The following PARD3B variants were observed in gnomAD, a reference collection of about 807,000 sequenced individuals.
The protein encoded by PARD3B is par-3 family cell polarity regulator beta, also known as partitioning defective 3 homolog B.
A neutral mutation model predicts 130.2 loss-of-function variants in PARD3B; 103 were observed. The ratio of observed to expected loss-of-function variants is 0.79; its 90% CI spans 0.67 to 0.93. The LOEUF (loss-of-function observed/expected upper bound fraction) is 0.93, where lower values mean the gene tolerates loss of function less well. Ranked by LOEUF, PARD3B falls within the 40% of genes least tolerant of loss-of-function variation. The pLI is 0.00. For missense variants in PARD3B, 1,609 were observed against 1,499.2 expected, an observed-to-expected ratio of 1.07 and a Z score of -1.21; for synonymous variants, 583 against 553.2, an observed-to-expected ratio of 1.05 and a Z score of -0.76.
At chr2:205,041,085 G>T (rs950885040) in intron 3 of PARD3B, among the ~76,000 whole-genome samples, 1 of 152,004 alleles carries the variant, frequency 6.6e-6, no homozygotes, top group Non-Finnish European at 1.5e-5. Flanking sequence ...TGGCTTTTGC[G>T]TTATTTTGCA....
intron 1 of PARD3B, among the ~76,000 whole-genome samples, chr2:204,650,001 T>C (rs951082196): frequency 6.6e-6 from 1 of 152,076 alleles, no homozygotes; most frequent in African/African-American, 2.4e-5. Flanking sequence ...GAGAAAATAT[T>C]TGAAAACTAT....
chr2:205,555,898 A>T (rs111666739), intron 22 of PARD3B, among the ~76,000 whole-genome samples: 3 of 152,154 alleles, frequency 2.0e-5, no homozygotes, highest in African/African-American at 7.2e-5. Flanking sequence ...ACCCTGGTCC[A>T]TGGGTGGGGG....
At chr2:205,097,477 G>C (rs192182920) in intron 4 of PARD3B, among the ~76,000 whole-genome samples, 1 of 152,014 alleles carries the variant, frequency 6.6e-6, no homozygotes, top group Non-Finnish European at 1.5e-5. Context: ...CATCCTTCCC[G>C]GCTTAGTTAA....
chr2:205,567,334 AGATGGAGTCTTGCTCTGTCGCCCAG>A (rs2053384881), intron 22 of PARD3B, among the ~76,000 whole-genome samples: 1 of 77,126 alleles, frequency 1.3e-5, no homozygotes, highest in East Asian at 4.3e-4. Flanking sequence ...TTTTTTTTTG[AGATGGAGTCTTGCTCTGTCGCCCAG>A]GATGGAGTGC....
Position 204,902,149 on chromosome 2 carries a change from T to C in PARD3B, c.223-63003T>C, listed in dbSNP as rs115738662. Among the ~76,000 whole-genome samples the C allele has an allele frequency of 5.8e-3, 885 of 152,278 alleles. 8 individuals carry two copies. The highest frequency in any genetic ancestry group is 0.021 in the African/African-American group (855 of 41,554). ...AATTCAGAAGCTGTATTTTAGATAA[T>C]AACTTTTCTTTCAAAATTATCAGTT... On this transcript the variant is annotated intron_variant, in intron 2 of 22. Coordinates refer to ENST00000406610, the MANE Select transcript of PARD3B (RefSeq NM_001302769.2).
At chr2:204,871,128 A>AT (rs1303900396) in intron 2 of PARD3B, among the ~76,000 whole-genome samples, 1 of 152,080 alleles carries the variant, frequency 6.6e-6, no homozygotes, top group East Asian at 1.9e-4. Context: ...GCTCTCTTTA[A>AT]TTTTAGGCCC....
intron 21 of PARD3B, among the ~76,000 whole-genome samples, chr2:205,535,283 T>C (rs988311154): frequency 1.3e-5 from 2 of 152,182 alleles, no homozygotes; most frequent in Non-Finnish European, 2.9e-5. Flanking sequence ...AGCTGTGCCT[T>C]AGAGTTGGCC....
chr2:204,941,575 G>A (rs892647057), intron 2 of PARD3B, among the ~76,000 whole-genome samples: 1 of 152,122 alleles, frequency 6.6e-6, no homozygotes, highest in African/African-American at 2.4e-5. Flanking sequence ...TTTCTAAATG[G>A]GAAAGTTAAA....
intron 2 of PARD3B, among the ~76,000 whole-genome samples, chr2:204,833,442 C>T (rs1268822428): frequency 2.0e-5 from 3 of 151,986 alleles, no homozygotes; most frequent in Non-Finnish European, 4.4e-5. Flanking sequence ...CATCTCTTGA[C>T]TTATGCCCCT....
intron 18 of PARD3B, among the ~76,000 whole-genome samples, chr2:205,349,645 A>G (rs1305831168): frequency 6.6e-6 from 1 of 152,172 alleles, no homozygotes; most frequent in East Asian, 1.9e-4. Flanking sequence ...AGAGATAAAA[A>G]TCAAAGATAT....
At chr2:204,872,626 T>C (rs950248435) in intron 2 of PARD3B, among the ~76,000 whole-genome samples, 2 of 152,208 alleles carry the variant, frequency 1.3e-5, no homozygotes, top group African/African-American at 2.4e-5. Context: ...GGACAGAAGT[T>C]GTTAAAGGTC....
intron 16 of PARD3B, among the ~76,000 whole-genome samples, chr2:205,249,175 A>AT (rs10707307): frequency 0.15 from 20,944 of 136,630 alleles, 1,590 homozygotes; most frequent in East Asian, 0.29. Flanking sequence ...TGCCCGGCTA[A>AT]TTTTTTTTTT....
At chr2:204,779,339 A>G (rs1397481460) in intron 2 of PARD3B, among the ~76,000 whole-genome samples, 4 of 152,136 alleles carry the variant, frequency 2.6e-5, no homozygotes, top group Non-Finnish European at 5.9e-5. Flanking sequence ...CAGCTGGTTG[A>G]TAAATTTATT....
In PARD3B at chr2:205,558,877, G is replaced by A. The variant is rs1032585466; in HGVS notation, c.3260+5474G>A. Among the ~76,000 whole-genome samples, 1 of 151,978 alleles carries A rather than the reference G, an allele frequency of 6.6e-6. No homozygotes were observed. Among genetic ancestry groups the A allele is most frequent in the Non-Finnish European group, 1.5e-5 (1 of 68,012 alleles). ...TTTAAACTTCCATAGCATTTACTTA[G>A]CACCTTCCCAGTGCCCTAAAAACAC... On this transcript the variant is annotated intron_variant, in intron 22 of 22. Coordinates refer to ENST00000406610, the MANE Select transcript of PARD3B (RefSeq NM_001302769.2). This position sits in a 1 kb window ranked among gnomAD's most constrained non-coding sequence, Gnocchi z 4.8.
At position 205,121,585 on chromosome 2, in the gene PARD3B, T is replaced by C; in HGVS notation, c.807-6T>C. ...GTCATCATACATTTATCAACTTTCT[T>C]TCCAGGGCTCAAGATGTCTTCCGCC... is the stretch of plus-strand genomic sequence containing the variant. On this transcript the variant is annotated splice_polypyrimidine_tract_variant and splice_region_variant and intron_variant, in intron 7 of 22. Transcript: ENST00000406610. The surrounding 1 kb of genome is among the most constrained non-coding windows in gnomAD (Gnocchi z 5.0). 3 of 1,609,760 alleles carry C rather than the reference T, an allele frequency of 1.9e-6. No homozygotes were observed. The South Asian group carries it at 3.3e-5, about 18-fold the overall frequency.
chr2:205,340,322 C>T (rs926863183), intron 18 of PARD3B, among the ~76,000 whole-genome samples: 1 of 152,040 alleles, frequency 6.6e-6, no homozygotes, highest in Admixed American at 6.6e-5. Context: ...AAAGAAAAAG[C>T]TGGAGGCATC....
chr2:204,616,025 T>C (rs1413481937), intron 1 of PARD3B, among the ~76,000 whole-genome samples: 6 of 152,164 alleles, frequency 3.9e-5, no homozygotes, highest in Non-Finnish European at 5.9e-5. Context: ...GTAAAACTCT[T>C]AGGACATAGG....
At chr2:205,006,089 C>G (rs147325264) in intron 3 of PARD3B, among the ~76,000 whole-genome samples, 1 of 152,332 alleles carries the variant, frequency 6.6e-6, no homozygotes, top group Non-Finnish European at 1.5e-5. Context: ...TGAGTTACTT[C>G]ACTTAGAATA....
intron 1 of PARD3B, chr2:204,558,003 T>A (rs2031040230): frequency 6.6e-6 from 1 of 152,224 alleles, no homozygotes; most frequent in South Asian, 2.1e-4. Context: ...TCAATTTTGA[T>A]GGATTCTTTA....
Sources: allele counts gnomAD v4.1 joint callset (sites outside exome capture counted in the v4.1 genomes callset), GRCh38; gene constraint gnomAD v4.1.1; non-coding constraint Gnocchi (gnomAD v3.1); transcripts MANE v1.5; gene names NCBI Gene and HGNC (gene_info 2026-07-23, HGNC 2026-07-21).